SREBF2: variants seen among roughly 807,000 people sequenced by gnomAD.
SREBF2 encodes the protein sterol regulatory element binding transcription factor 2.
In SREBF2, 55 loss-of-function variants were observed where a neutral mutation model predicts 113.1. That is an observed-to-expected ratio of 0.49 (90% CI 0.39 to 0.61). SREBF2 has a LOEUF of 0.61. SREBF2 is among the 20% of genes least tolerant of loss of function. The pLI, the probability that SREBF2 is intolerant of heterozygous loss-of-function variation, is 0.00. For missense variants in SREBF2, 1,349 were observed against 1,487.4 expected, an observed-to-expected ratio of 0.91 and a Z score of 1.53; for synonymous variants, 593 against 605.7, an observed-to-expected ratio of 0.98 and a Z score of 0.31.
rs1330973611 is a variant in SREBF2, at chr22:41,905,980, AC to A, written c.*323del. 1.6e-5 allele frequency: 9 copies of A among 577,792 alleles called. No individual in the cohort carries two copies. Among genetic ancestry groups the A allele is most frequent in the Non-Finnish European group, 2.0e-5 (6 of 305,530 alleles). 35.8% of individuals were successfully genotyped at this position (577,792 alleles called of 1,614,324 possible). A position where few individuals can be genotyped will look rare whatever the true frequency, so the allele number is the denominator to read the frequency against. On this transcript the variant is annotated 3_prime_UTR_variant, in exon 19 of 19. Coordinates refer to ENST00000361204, the MANE Select transcript of SREBF2 (RefSeq NM_004599.4). ...GCCTTCCTGAGTTTCTCTCTCCTGA[AC>A]CCTACTCTCTCCTTTTTGCTTCCTC...
intron 1 of SREBF2, among the ~76,000 whole-genome samples, chr22:41,845,199 G>A (rs1341641380): frequency 5.3e-5 from 8 of 152,076 alleles, no homozygotes; most frequent in Non-Finnish European, 8.8e-5. Flanking sequence ...AAAGTGCTGC[G>A]ATTACAGGTG....
chr22:41,884,292 C>CG (rs1487317956), intron 10 of SREBF2, among the ~76,000 whole-genome samples: 1 of 152,158 alleles, frequency 6.6e-6, no homozygotes, highest in African/African-American at 2.4e-5. Flanking sequence ...TGTGCCACCA[C>CG]GTCCAGCTAA....
At chr22:41,858,004 G>A (rs1215831032) in intron 1 of SREBF2, among the ~76,000 whole-genome samples, 1 of 152,044 alleles carries the variant, frequency 6.6e-6, no homozygotes, top group East Asian at 1.9e-4. Flanking sequence ...TGGAGAAATG[G>A]TTATCTCATA....
chr22:41,834,835 G>A (rs972496395), intron 1 of SREBF2, among the ~76,000 whole-genome samples: 4 of 152,206 alleles, frequency 2.6e-5, no homozygotes, highest in African/African-American at 9.7e-5. Context: ...TGGGAACATA[G>A]CAAGGGCAGC....
In SREBF2 at chr22:41,877,968, A is replaced by C. The variant is rs17002714; in HGVS notation, c.1606A>C (p.Met536Leu). 6.2e-7 allele frequency: 1 copy of C among 1,614,104 alleles called. No homozygotes were observed. The highest frequency in any genetic ancestry group is 2.2e-5 in the East Asian group (1 of 44,870). Residue 536 changes from methionine to leucine, a missense_variant, in exon 9 of 19, where the codon ATG becomes CTG. Transcript: ENST00000361204. Reference protein sequence around the residue: ...SGSGGWFDWMMPTLLLWLVNG... With the variant: ...SGSGGWFDWMLPTLLLWLVNG... ...TTCTGGGGGCTGGTTTGACTGGATG[A>C]TGCCTACTCTTCTCTTATGGCTGGT...
Position 41,893,401 on chromosome 22 carries a change from C to CGTTTGTTT in SREBF2, c.2377+138_2377+145dup, listed in dbSNP as rs150115715. ...GGTTGTCTCTTAATCTTGTTGAGTC[C>CGTTTGTTT]GTTTGTTTGTTTGTTTGTTTGTTTG... On this transcript the variant is annotated intron_variant, in intron 12 of 18. Transcript: ENST00000361204. The CGTTTGTTT allele has an allele frequency of 5.6e-3, 6,394 of 1,131,950 alleles. 24 individuals are homozygous for CGTTTGTTT. Among genetic ancestry groups the CGTTTGTTT allele is most frequent in the East Asian group, 0.01 (415 of 40,846 alleles). 70.1% of individuals were successfully genotyped at this position (1,131,950 alleles called of 1,614,324 possible). A position where few individuals can be genotyped will look rare whatever the true frequency, so the allele number is the denominator to read the frequency against.
chr22:41,894,803 G>A lies in SREBF2; in HGVS notation c.2378-17G>A, dbSNP rs765940585. The A allele has an allele frequency of 6.2e-7, 1 of 1,611,046 alleles. No individual in the cohort carries two copies. The highest frequency in any genetic ancestry group is 8.5e-7 in the Non-Finnish European group (1 of 1,177,340). On this transcript the variant is annotated splice_polypyrimidine_tract_variant and intron_variant, in intron 12 of 18. Coordinates refer to ENST00000361204, the MANE Select transcript of SREBF2 (RefSeq NM_004599.4). ...AAATGAGCTCCATTTAACCCCCCTT[G>A]CCTGTCTCTTTTCCAGCTGACCCCA...
chr22:41,889,645 T>C (rs189359353), intron 11 of SREBF2, among the ~76,000 whole-genome samples: 1 of 150,882 alleles, frequency 6.6e-6, no homozygotes, highest in Non-Finnish European at 1.5e-5. Flanking sequence ...TGGTCACACC[T>C]GTGAATAGAG....
intron 11 of SREBF2, among the ~76,000 whole-genome samples, chr22:41,892,518 C>T (rs1325693868): frequency 6.6e-6 from 1 of 151,590 alleles, no homozygotes; most frequent in South Asian, 2.1e-4. Context: ...CATGGTGGCG[C>T]GCGCCTGTAG....
At chr22:41,835,732 A>G (rs2076767902) in intron 1 of SREBF2, among the ~76,000 whole-genome samples, 1 of 152,160 alleles carries the variant, frequency 6.6e-6, no homozygotes, top group Non-Finnish European at 1.5e-5. Flanking sequence ...GGCTTAAGCA[A>G]TCCTCCCAGC....
At chr22:41,872,357 C>G (rs1276377624) in intron 4 of SREBF2, among the ~76,000 whole-genome samples, 1 of 151,516 alleles carries the variant, frequency 6.6e-6, no homozygotes, top group Admixed American at 6.6e-5. Context: ...TGCTGGAATT[C>G]AGAGCGGTGG....
intron 10 of SREBF2, among the ~76,000 whole-genome samples, chr22:41,883,837 T>C (rs921972227): frequency 3.3e-5 from 5 of 152,322 alleles, no homozygotes; most frequent in African/African-American, 9.6e-5. Context: ...CACCTTGACA[T>C]GGGCACTTCC....
chr22:41,851,471 C>T (rs1275770419), intron 1 of SREBF2, among the ~76,000 whole-genome samples: 1 of 151,534 alleles, frequency 6.6e-6, no homozygotes, highest in Non-Finnish European at 1.5e-5. Context: ...TAGTAAGGCC[C>T]TGCTTCTTTT....
intron 17 of SREBF2, chr22:41,904,493 C>T: frequency 2.1e-6 from 1 of 484,492 alleles, no homozygotes; most frequent in Non-Finnish European, 4.2e-6. Context: ...TCCCTCCTCA[C>T]CCCTCTGTCC....
chr22:41,841,725 A>G (rs1383419364), intron 1 of SREBF2, among the ~76,000 whole-genome samples: 1 of 152,246 alleles, frequency 6.6e-6, no homozygotes, highest in East Asian at 1.9e-4. Flanking sequence ...TTCAATTAGA[A>G]CTTTGCAAAT....
Position 41,894,948 on chromosome 22 carries a change from C to A in SREBF2, c.2495+11C>A. 6.2e-7 allele frequency: 1 copy of A among 1,609,710 alleles called. No individual in the cohort carries two copies. Among genetic ancestry groups the A allele is most frequent in the South Asian group, 1.1e-5 (1 of 90,984 alleles). Reference sequence around the variant, plus strand: ...GGAAGAAGAGAGCTGGTAAAGTCCCCAGACCAGTCCCCCTGCCTTAGGACC... The same window carrying A: ...GGAAGAAGAGAGCTGGTAAAGTCCCAAGACCAGTCCCCCTGCCTTAGGACC... On this transcript the variant is annotated intron_variant, in intron 13 of 18. Coordinates refer to ENST00000361204, the MANE Select transcript of SREBF2 (RefSeq NM_004599.4).
chr22:41,893,251 C>G lies in SREBF2; in HGVS notation c.2343C>G (p.Ala781=). 2 of 1,614,164 alleles carry G rather than the reference C, an allele frequency of 1.2e-6. No homozygotes were observed. The highest frequency in any genetic ancestry group is 1.7e-6 in the Non-Finnish European group (2 of 1,180,030). Residue 781 remains alanine (A), a synonymous_variant, in exon 12 of 19, where the codon GCC becomes GCG. Transcript: ENST00000361204. Reference sequence around the variant, plus strand: ...GGAGCTGGTCTGTGAAGTCAGCTGCCAAGGAGAGTCTATACTGTGCCCAGA... The same window carrying G: ...GGAGCTGGTCTGTGAAGTCAGCTGCGAAGGAGAGTCTATACTGTGCCCAGA... The part of the protein sequence containing the change: ...MERSWSVKSA[A]KESLYCAQRN...
At chr22:41,835,459 C>T (rs968317700) in intron 1 of SREBF2, among the ~76,000 whole-genome samples, 30 of 151,392 alleles carry the variant, frequency 2.0e-4, no homozygotes, top group African/African-American at 3.9e-4. Flanking sequence ...TACAGGCATG[C>T]GCCACCACGC....
chr22:41,879,827 C>T (rs1456948049), intron 9 of SREBF2, among the ~76,000 whole-genome samples: 3 of 152,178 alleles, frequency 2.0e-5, no homozygotes, highest in Admixed American at 6.5e-5. Context: ...GTGCCGTAGA[C>T]TCTCCATTAG....
Sources: allele counts gnomAD v4.1 joint callset (sites outside exome capture counted in the v4.1 genomes callset), GRCh38; gene constraint gnomAD v4.1.1; transcripts MANE v1.5; gene names NCBI Gene and HGNC (gene_info 2026-07-23, HGNC 2026-07-21).